CCDC148: variants seen among roughly 807,000 people sequenced by gnomAD.
CCDC148 encodes the protein coiled-coil domain containing 148.
In CCDC148, 89 loss-of-function variants were observed where a neutral mutation model predicts 85.7. The observed-to-expected ratio is 1.04, with a 90% confidence interval of 0.87 to 1.24. The LOEUF (loss-of-function observed/expected upper bound fraction) is 1.24. Ranked by LOEUF, CCDC148 falls within the 50% of genes most tolerant of loss-of-function variation. The pLI, the probability that CCDC148 is intolerant of heterozygous loss-of-function variation, is 0.00. For synonymous variants in CCDC148, 230 were observed against 213.9 expected, an observed-to-expected ratio of 1.08 and a Z score of -0.66; for missense variants, 692 against 671.7, an observed-to-expected ratio of 1.03 and a Z score of -0.33.
At chr2:158,407,683 A>G (rs1686084810) in intron 1 of CCDC148, among the ~76,000 whole-genome samples, 1 of 152,192 alleles carries the variant, frequency 6.6e-6, no homozygotes. Flanking sequence ...ATTAAAAATA[A>G]TGTGGGTCCC....
chr2:158,340,453 C>T, intron 4 of CCDC148, 60 bp from the exon 5 acceptor site: 1 of 1,569,218 alleles, frequency 6.4e-7, no homozygotes, highest in East Asian at 2.2e-5. Context: ...TCTCCAAAAA[C>T]AGATCATTAG....
intron 7 of CCDC148, among the ~76,000 whole-genome samples, chr2:158,334,569 T>C (rs947182864): frequency 1.1e-4 from 9 of 80,132 alleles, no homozygotes; most frequent in African/African-American, 4.9e-4. Flanking sequence ...TCTTTCTTCA[T>C]ATCTTAACGC....
intron 9 of CCDC148, among the ~76,000 whole-genome samples, chr2:158,285,623 C>T (rs991082431): frequency 4.0e-5 from 6 of 151,644 alleles, no homozygotes; most frequent in Non-Finnish European, 7.4e-5. Flanking sequence ...GTCCGCCTCC[C>T]GGGTTCACAC....
chr2:158,221,921 A>G (rs1430172984), intron 10 of CCDC148, among the ~76,000 whole-genome samples: 1 of 152,124 alleles, frequency 6.6e-6, no homozygotes, highest in Non-Finnish European at 1.5e-5. Flanking sequence ...CAGGAGAGGA[A>G]ACATTGATTG....
chr2:158,210,721 A>G (rs1686520041), intron 11 of CCDC148, among the ~76,000 whole-genome samples: 2 of 149,626 alleles, frequency 1.3e-5, no homozygotes, highest in South Asian at 4.2e-4. Flanking sequence ...AGGCAGGCAG[A>G]TCACGAGGTC....
intron 7 of CCDC148, among the ~76,000 whole-genome samples, chr2:158,338,225 G>C (rs1340790846): frequency 6.6e-6 from 1 of 151,944 alleles, no homozygotes; most frequent in African/African-American, 2.4e-5. Context: ...ATGCAGAAGT[G>C]GATAATCATT....
intron 7 of CCDC148, among the ~76,000 whole-genome samples, chr2:158,329,795 A>G (rs1218444824): frequency 6.6e-6 from 1 of 152,062 alleles, no homozygotes; most frequent in South Asian, 2.1e-4. Flanking sequence ...GTTACTCATG[A>G]TTTGGTTCTC....
At chr2:158,387,865 T>G (rs1473109065) in intron 1 of CCDC148, among the ~76,000 whole-genome samples, 1 of 152,178 alleles carries the variant, frequency 6.6e-6, no homozygotes, top group Admixed American at 6.5e-5. Flanking sequence ...CTTACCCGCA[T>G]TGGTCTCTGA....
chr2:158,227,434 T>C (rs1189857723), intron 10 of CCDC148, among the ~76,000 whole-genome samples: 2 of 152,132 alleles, frequency 1.3e-5, no homozygotes, highest in Non-Finnish European at 2.9e-5. Flanking sequence ...AATGACTTTC[T>C]TCACAGAATT....
intron 11 of CCDC148, among the ~76,000 whole-genome samples, chr2:158,200,050 C>A (rs560720663): frequency 6.6e-6 from 1 of 151,990 alleles, no homozygotes. Context: ...ATGGCAGGGA[C>A]AGGATAAAGG....
At position 158,172,209 on chromosome 2, in the gene CCDC148, T is replaced by A. The variant is rs140240262; in HGVS notation, c.1680A>T (p.Gly560=). 4 of 1,609,138 alleles carry A rather than the reference T, an allele frequency of 2.5e-6. No homozygotes were observed. Among genetic ancestry groups the A allele is most frequent in the Non-Finnish European group, 3.4e-6 (4 of 1,177,480 alleles). The part of the protein sequence containing the change: ...LRFELALREA[G]LHRTLYAKEI... The stretch of plus-strand genomic sequence containing the variant: ...CTTTAGCATAAAGTGTTCTATGAAG[T>A]CCAGCTTCTCGAAGTGCTAACTCGA... Residue 560 remains glycine (G), a synonymous_variant, in exon 14 of 14, where the codon GGA becomes GGT. Coordinates refer to ENST00000283233, the MANE Select transcript of CCDC148 (RefSeq NM_138803.4).
intron 9 of CCDC148, among the ~76,000 whole-genome samples, chr2:158,280,572 G>A (rs561303891): frequency 6.6e-6 from 1 of 152,284 alleles, no homozygotes; most frequent in East Asian, 1.9e-4. Context: ...AACAAGAAGA[G>A]CTAACTATCC....
intron 9 of CCDC148, among the ~76,000 whole-genome samples, chr2:158,273,974 T>C (rs1161808928): frequency 1.3e-5 from 2 of 152,222 alleles, no homozygotes; most frequent in East Asian, 1.9e-4. Flanking sequence ...GCCCTTCCTC[T>C]GGGCTCAGAG....
rs1340348692 is a variant in CCDC148 at position 158,230,655 on chromosome 2, ACATTTCTTAC to A, written c.1252-9952_1252-9943del. 1.8e-4 allele frequency among the ~76,000 whole-genome samples: 4 copies of A among 22,548 alleles called. No individual in the cohort carries two copies. In the East Asian group the frequency reaches 0.051, roughly 289 times the overall value. The allele number at this position is 22,548 out of a possible 152,430, so 14.8% of individuals were successfully genotyped here. A position where few individuals can be genotyped will look rare whatever the true frequency, so the allele number is the denominator to read the frequency against. On this transcript the variant is annotated intron_variant, in intron 10 of 13. Transcript: ENST00000283233. ...AGCAAATAGTAGCATGATCTGACTT[ACATTTCTTAC>A]ATTTTAAAAAGAGAGCTCTCGATAT...
At chr2:158,281,010 C>G (rs943137946) in intron 9 of CCDC148, among the ~76,000 whole-genome samples, 1 of 152,182 alleles carries the variant, frequency 6.6e-6, no homozygotes, top group East Asian at 1.9e-4. Context: ...AACTGAACAA[C>G]CTGCTCCTGA....
chr2:158,373,419 C>T (rs888665376), intron 1 of CCDC148, among the ~76,000 whole-genome samples: 1 of 151,968 alleles, frequency 6.6e-6, no homozygotes, highest in Non-Finnish European at 1.5e-5. Flanking sequence ...AACTGATATG[C>T]TCTTTGATAT....
At chr2:158,231,773 T>A (rs1033434983) in intron 10 of CCDC148, among the ~76,000 whole-genome samples, 2 of 152,144 alleles carry the variant, frequency 1.3e-5, no homozygotes, top group African/African-American at 2.4e-5. Context: ...TTTCTTCTGG[T>A]CTCTGGTCCA....
intron 1 of CCDC148, among the ~76,000 whole-genome samples, chr2:158,391,090 G>A (rs1300034775): frequency 6.6e-6 from 1 of 152,114 alleles, no homozygotes; most frequent in African/African-American, 2.4e-5. Context: ...TTACATTCTA[G>A]ACACTCTACT....
intron 1 of CCDC148, among the ~76,000 whole-genome samples, chr2:158,409,706 G>C (rs1686176578): frequency 6.6e-6 from 1 of 152,134 alleles, no homozygotes; most frequent in Admixed American, 6.5e-5. Context: ...TGTTGGGAAG[G>C]CATGATTAGT....
Sources: allele counts gnomAD v4.1 joint callset (sites outside exome capture counted in the v4.1 genomes callset), GRCh38; gene constraint gnomAD v4.1.1; transcripts MANE v1.5; gene names NCBI Gene and HGNC (gene_info 2026-07-23, HGNC 2026-07-21).